FAM161B: variants seen among roughly 807,000 people sequenced by gnomAD.
The protein encoded by FAM161B is protein FAM161B.
In FAM161B, 46 loss-of-function variants were observed where a neutral mutation model predicts 61.5. The ratio of observed to expected loss-of-function variants is 0.75; its 90% confidence interval spans 0.59 to 0.96. FAM161B has a LOEUF of 0.96. Ranked by LOEUF, FAM161B falls within the 40% of genes least tolerant of loss-of-function variation. FAM161B has a pLI of 0.00. For synonymous variants in FAM161B, 284 were observed against 302.7 expected, an observed-to-expected ratio of 0.94 and a Z score of 0.64; for missense variants, 774 against 800.7, an observed-to-expected ratio of 0.97 and a Z score of 0.40.
rs765746839 is a variant in FAM161B at position 73,938,109 on chromosome 14, A to C, written c.1404T>G (p.Ser468Arg). The part of the protein sequence containing the change: ...ATRKRESAVR[S>R]ALEKKNKADE... ...CTGCTTTGTTCTTTTTTTCAAGTGC[A>C]CTTCTAAAGGAAGGAGGCAGAAAAA... Residue 468 changes from serine (S) to arginine (R), a missense_variant, in exon 6 of 9, where the codon AGT becomes AGG. Coordinates refer to ENST00000286544, the MANE Select transcript of FAM161B (RefSeq NM_152445.3). 6 of 1,613,878 alleles carry C rather than the reference A, an allele frequency of 3.7e-6. No homozygotes were observed. Among genetic ancestry groups the C allele is most frequent in the Non-Finnish European group, 2.5e-6 (3 of 1,179,932 alleles).
rs1823093879 is a variant in FAM161B, at chr14:73,944,682, G to A, written c.578C>T (p.Ala193Val). Residue 193 changes from alanine to valine, a missense_variant, in exon 3 of 9, where the codon GCC (alanine) becomes GTC (valine). Ala to Val is a moderately conservative substitution (Grantham distance 64). Coordinates refer to ENST00000286544, the MANE Select transcript of FAM161B (RefSeq NM_152445.3). The stretch of plus-strand genomic sequence containing the variant: ...CCGCTGCCTCTCCTGCTCAAAGGAG[G>A]CAGGTGAGCCCAGCCACTCGGCCTT... The part of the protein sequence containing the change: ...RKKAEWLGSP[A>V]SFEQERQRAQ... 3 of 1,610,434 alleles carry A rather than the reference G, an allele frequency of 1.9e-6. No homozygotes were observed. The highest frequency in any genetic ancestry group is 2.7e-5 in the African/African-American group (2 of 74,972).
chr14:73,944,597 C>G lies in FAM161B; in HGVS notation c.663G>C (p.Val221=). 6.2e-7 allele frequency: 1 copy of G among 1,614,094 alleles called. No individual in the cohort carries two copies. The highest frequency in any genetic ancestry group is 8.5e-7 in the Non-Finnish European group (1 of 1,180,028). Residue 221 remains valine, a synonymous_variant, in exon 3 of 9, where the codon GTG becomes GTC. Coordinates refer to ENST00000286544, the MANE Select transcript of FAM161B (RefSeq NM_152445.3). ...AGAGGGGCAGGTAGACATGTGCAGG[C>G]ACAGGCTGTGCCCGGAACTGCCTGT... ...ECHRQFRAQP[V]PAHVYLPLYQ... is the part of the protein sequence containing the mutation.
downstream of FAM161B, chr14:73,931,398 C>G (rs1409182295): frequency 4.2e-6 from 4 of 957,030 alleles, no homozygotes; most frequent in Non-Finnish European, 6.4e-6. Flanking sequence ...TCATTCACCC[C>G]TGTAGTGCAT....
chr14:73,938,472 T>TAATAA (rs1168872775), intron 5 of FAM161B, among the ~76,000 whole-genome samples: 1 of 136,050 alleles, frequency 7.4e-6, no homozygotes, highest in Non-Finnish European at 1.6e-5. Flanking sequence ...ATAATAATAA[T>TAATAA]AATAAAATAA....
At position 73,944,460 on chromosome 14, in the gene FAM161B, T is replaced by C; in HGVS notation, c.800A>G (p.Gln267Arg). 2 of 1,613,900 alleles carry C rather than the reference T, an allele frequency of 1.2e-6. No homozygotes were observed. The highest frequency in any genetic ancestry group is 8.5e-7 in the Non-Finnish European group (1 of 1,179,828). ...KPFSFLEKEE[Q>R]LKEAARQRDL... ...TCTCTGTCGAGCAGCTTCCTTTAGC[T>C]GCTCCTCCTTCTCCAGGAAGCTGAA... is the stretch of plus-strand genomic sequence containing the variant. The change falls in exon 3 of 9, where the codon CAG becomes CGG. Residue 267 changes from glutamine to arginine, a missense_variant. By Grantham distance (43) the Gln-to-Arg change is conservative (BLOSUM62 1). Transcript: ENST00000286544.
At chr14:73,926,198 CTATAA>C in the FAM161B span, among the ~76,000 whole-genome samples, 7 of 152,236 alleles carry the variant, frequency 4.6e-5, no homozygotes, top group African/African-American at 1.4e-4. Context: ...ATATTAAAAA[CTATAA>C]TATCTTTACC....
At chr14:73,936,207 A>C in intron 7 of FAM161B, 119 bp from the exon 8 acceptor site, 1 of 1,156,134 alleles carries the variant, frequency 8.6e-7, no homozygotes, top group Non-Finnish European at 1.2e-6. Flanking sequence ...TGTGGGGCAT[A>C]GATTTGCAAG....
chr14:73,935,994 G>A lies in FAM161B; in HGVS notation c.1760C>T (p.Thr587Ile), dbSNP rs2055968218. 8 of 1,613,384 alleles carry A rather than the reference G, an allele frequency of 5.0e-6. No individual in the cohort carries two copies. The East Asian group carries it at 1.8e-4, about 36-fold the overall frequency. The change falls in exon 8 of 9, where the codon ACC becomes ATC. Residue 587 changes from threonine (T) to isoleucine (I), a missense_variant. Physicochemically the swap from Thr to Ile is moderately conservative, Grantham distance 89. Coordinates refer to ENST00000286544, the MANE Select transcript of FAM161B (RefSeq NM_152445.3). ...EDFVRNKGQG[T>I]RAVQEKETKI... ...GGTCTCTTTCTCTTGAACAGCCCGG[G>A]TGCCTTGACCCTTGTTTCTCACAAA...
Position 73,935,961 on chromosome 14 carries a change from T to C in FAM161B, c.1793A>G (p.Lys598Arg). ...RAVQEKETKI[K>R]DFPRFQETTK... is the part of the protein sequence containing the mutation. ...CATTTCAGGTTACCTGGGAAAATCC[T>C]TGATTTTGGTCTCTTTCTCTTGAAC... The change falls in exon 8 of 9, where the codon AAG becomes AGG. Residue 598 changes from lysine to arginine, a missense_variant. Coordinates refer to ENST00000286544, the MANE Select transcript of FAM161B (RefSeq NM_152445.3). 1 of 1,608,704 alleles carries C rather than the reference T, an allele frequency of 6.2e-7. No homozygotes were observed. The highest frequency in any genetic ancestry group is 8.5e-7 in the Non-Finnish European group (1 of 1,176,666).
chr14:73,944,813 T>G lies in FAM161B; in HGVS notation c.447A>C (p.Pro149=), dbSNP rs752862656. Residue 149 remains proline (P), a synonymous_variant, in exon 3 of 9, where the codon CCA becomes CCC. Coordinates refer to ENST00000286544, the MANE Select transcript of FAM161B (RefSeq NM_152445.3). ...GGGAGGGAGGCCGGGAGCCTGAGGG[T>G]GGCTGGGTCTGAGGCCTGGGAATGT... The part of the protein sequence containing the change: ...PSNIPRPQTQ[P]PSGSRPPSQH... The G allele has an allele frequency of 6.4e-7, 1 of 1,565,964 alleles. No individual in the cohort carries two copies. The highest frequency in any genetic ancestry group is 8.7e-7 in the Non-Finnish European group (1 of 1,155,466).
At chr14:73,948,614 C>G (rs184825024) in intron 1 of FAM161B, among the ~76,000 whole-genome samples, 2 of 152,298 alleles carry the variant, frequency 1.3e-5, no homozygotes, top group Admixed American at 1.3e-4. Flanking sequence ...AATTTCTATA[C>G]AATATATTCA....
downstream of FAM161B, chr14:73,928,004 A>AT (rs773060568): frequency 1.2e-5 from 2 of 168,306 alleles, no homozygotes. Context: ...CACCCAGCTA[A>AT]TTTTTTGTAT....
Position 73,942,419 on chromosome 14 carries a change from G to C in FAM161B, c.1222C>G (p.Leu408Val). ...NKPFLLRTAN[L>V]RHPQRPCDAA... is the part of the protein sequence containing the mutation. ...TCACAGGGCCGCTGAGGGTGGCGCA[G>C]GTTGGCGGTCCTCAGCAAGAAGGGC... The change falls in exon 4 of 9, where the codon CTG (leucine) becomes GTG (valine). Residue 408 changes from leucine to valine, a missense_variant. Leu to Val is a conservative substitution (Grantham distance 32). Coordinates refer to ENST00000286544, the MANE Select transcript of FAM161B (RefSeq NM_152445.3). The C allele has an allele frequency of 6.2e-7, 1 of 1,614,204 alleles. No individual in the cohort carries two copies. The highest frequency in any genetic ancestry group is 8.5e-7 in the Non-Finnish European group (1 of 1,180,032).
chr14:73,944,190 G>A, intron 3 of FAM161B, 145 bp downstream of exon 3: 2 of 1,295,886 alleles, frequency 1.5e-6, no homozygotes, highest in Non-Finnish European at 2.1e-6. Context: ...CCTCCCCAAT[G>A]GCCTGCACTA....
rs995619202 is a variant in FAM161B, at chr14:73,938,096, T to G, written c.1417A>C (p.Lys473Gln). 6.2e-7 allele frequency: 1 copy of G among 1,614,146 alleles called. No homozygotes were observed. The highest frequency in any genetic ancestry group is 1.3e-5 in the African/African-American group (1 of 75,034). Residue 473 changes from lysine (K) to glutamine (Q), a missense_variant, in exon 6 of 9, where the codon AAG (lysine) becomes CAG (glutamine). Coordinates refer to ENST00000286544, the MANE Select transcript of FAM161B (RefSeq NM_152445.3). ...TGAATACTCTCATCTGCTTTGTTCT[T>G]TTTTTCAAGTGCACTTCTAAAGGAA... ...ESAVRSALEK[K>Q]NKADESIQWL...
intron 2 of FAM161B, 139 bp from the exon 3 acceptor site, chr14:73,945,024 T>G: frequency 3.4e-6 from 2 of 589,646 alleles, no homozygotes; most frequent in South Asian, 1.1e-4. Flanking sequence ...CAGGCCTCTA[T>G]GTCCATGACC....
chr14:73,942,934 CTTTTT>C (rs370825137), intron 3 of FAM161B, among the ~76,000 whole-genome samples: 1 of 146,282 alleles, frequency 6.8e-6, no homozygotes, highest in South Asian at 2.2e-4. Flanking sequence ...AACCAGCTTC[CTTTTT>C]TTTTTTTCTG....
At chr14:73,929,180 C>G (rs1450083333), downstream of FAM161B, among the ~76,000 whole-genome samples, 1 of 152,148 alleles carries the variant, frequency 6.6e-6, no homozygotes, top group African/African-American at 2.4e-5. Flanking sequence ...TAGCATTATT[C>G]TCCTCCTCGT....
In FAM161B at chr14:73,934,286, C is replaced by T. The variant is rs775021622; in HGVS notation, c.1914G>A (p.Gln638=). The T allele has an allele frequency of 6.2e-7, 1 of 1,613,952 alleles. No individual in the cohort carries two copies. Residue 638 remains glutamine, a synonymous_variant, in exon 9 of 9, where the codon CAG becomes CAA. Coordinates refer to ENST00000286544, the MANE Select transcript of FAM161B (RefSeq NM_152445.3). ...CAAGTGATACGAGATTTTCTGGTGA[C>T]TGATGAGACAGCTCCTCCAGTACTT... The part of the protein sequence containing the change: ...PRKVLEELSH[Q]SPENLVSLA
Sources: gnomAD v4.1 joint callset for allele counts (sites outside exome capture counted in the v4.1 genomes callset) on GRCh38, gnomAD v4.1.1 for gene constraint, MANE v1.5 for transcripts, NCBI Gene and HGNC (gene_info 2026-07-23, HGNC 2026-07-21) for gene names.